Variants in PLCXD3 observed in about 807,000 individuals in gnomAD.
PLCXD3 encodes the protein PI-PLC X domain-containing protein 3.
PLCXD3 carries 19 observed loss-of-function variants against 25.5 expected under a neutral mutation model. The observed-to-expected ratio is 0.75, with a 90% CI of 0.52 to 1.09. The LOEUF (loss-of-function observed/expected upper bound fraction) is 1.09, where lower values mean the gene tolerates loss of function less well. Ranked by LOEUF, PLCXD3 falls within the 50% of genes least tolerant of loss-of-function variation. The pLI, the probability that PLCXD3 is intolerant of heterozygous loss-of-function variation, is 0.00. For missense variants in PLCXD3, 411 were observed against 388.1 expected, an observed-to-expected ratio of 1.06 and a Z score of -0.50; for synonymous variants, 174 against 137.6, an observed-to-expected ratio of 1.26 and a Z score of -1.85.
At chr5:41,419,131 A>G (rs1453013739) in intron 1 of PLCXD3, among the ~76,000 whole-genome samples, 1 of 151,830 alleles carries the variant, frequency 6.6e-6, no homozygotes, top group Admixed American at 6.6e-5. Context: ...GGGGTGGGGG[A>G]AGAAAGGTAA....
chr5:41,471,923 T>C (rs1299620552), intron 1 of PLCXD3, among the ~76,000 whole-genome samples: 1 of 8,208 alleles, frequency 1.2e-4, no homozygotes, highest in Non-Finnish European at 2.5e-4. Context: ...TTCCCTTCCC[T>C]TCCCCTCCCT....
chr5:41,359,956 A>T (rs1008436891), intron 2 of PLCXD3, among the ~76,000 whole-genome samples: 1 of 151,996 alleles, frequency 6.6e-6, no homozygotes, highest in African/African-American at 2.4e-5. Context: ...TTTTCTTCTT[A>T]CTCAGGAATA....
intron 1 of PLCXD3, among the ~76,000 whole-genome samples, chr5:41,471,189 G>C (rs959583011): frequency 4.6e-5 from 7 of 152,110 alleles, no homozygotes; most frequent in African/African-American, 1.7e-4. Context: ...CACAAACAAA[G>C]CACCTTCATA....
At chr5:41,479,068 C>T (rs1748340225) in intron 1 of PLCXD3, among the ~76,000 whole-genome samples, 1 of 151,818 alleles carries the variant, frequency 6.6e-6, no homozygotes, top group Non-Finnish European at 1.5e-5. Context: ...GACACAGAGC[C>T]AAATCATATC....
intron 1 of PLCXD3, among the ~76,000 whole-genome samples, chr5:41,391,291 C>T (rs1320760324): frequency 1.3e-5 from 2 of 152,118 alleles, no homozygotes; most frequent in Non-Finnish European, 2.9e-5. Flanking sequence ...CAGCTTGAGG[C>T]TCCAAAAGAG....
At chr5:41,365,382 T>A (rs1321595335) in intron 2 of PLCXD3, among the ~76,000 whole-genome samples, 1 of 152,224 alleles carries the variant, frequency 6.6e-6, no homozygotes, top group Non-Finnish European at 1.5e-5. Flanking sequence ...ACTTTTGCCA[T>A]CTTTCTTTCC....
intron 2 of PLCXD3, among the ~76,000 whole-genome samples, chr5:41,355,166 C>T (rs1413362617): frequency 6.6e-6 from 1 of 152,162 alleles, no homozygotes; most frequent in African/African-American, 2.4e-5. Context: ...TGATACCAGG[C>T]CTTAGTCTAC....
chr5:41,472,509 A>C (rs1202327189), intron 1 of PLCXD3, among the ~76,000 whole-genome samples: 1 of 152,222 alleles, frequency 6.6e-6, no homozygotes, highest in Admixed American at 6.5e-5. Flanking sequence ...GGAAATGGCT[A>C]TTATTATTAA....
chr5:41,397,575 A>C (rs1746046833), intron 1 of PLCXD3, among the ~76,000 whole-genome samples: 1 of 152,210 alleles, frequency 6.6e-6, no homozygotes, highest in Non-Finnish European at 1.5e-5. Flanking sequence ...GAGCCACGAC[A>C]CAGAGTCCCC....
intron 2 of PLCXD3, among the ~76,000 whole-genome samples, chr5:41,362,303 T>A (rs372268942): frequency 6.6e-6 from 1 of 152,164 alleles, no homozygotes; most frequent in Non-Finnish European, 1.5e-5. Flanking sequence ...AATGGAGTGA[T>A]GTGTAGGGGG....
chr5:41,418,564 G>A (rs1410078920), intron 1 of PLCXD3, among the ~76,000 whole-genome samples: 1 of 151,986 alleles, frequency 6.6e-6, no homozygotes, highest in Non-Finnish European at 1.5e-5. Context: ...ACATTTGTAT[G>A]GCAATATCCT....
At chr5:41,393,422 T>G (rs1442765245) in intron 1 of PLCXD3, among the ~76,000 whole-genome samples, 2 of 152,122 alleles carry the variant, frequency 1.3e-5, no homozygotes, top group East Asian at 3.9e-4. Flanking sequence ...ATATTTAAAG[T>G]GCTGAAGAGA....
chr5:41,360,908 G>T (rs1744753122), intron 2 of PLCXD3, among the ~76,000 whole-genome samples: 1 of 152,194 alleles, frequency 6.6e-6, no homozygotes, highest in African/African-American at 2.4e-5. Context: ...AACTCACCTT[G>T]GGGATACCTG....
intron 2 of PLCXD3, among the ~76,000 whole-genome samples, chr5:41,331,024 G>T (rs1743786982): frequency 6.6e-6 from 1 of 151,728 alleles, no homozygotes; most frequent in Non-Finnish European, 1.5e-5. Context: ...CATTCCCTTT[G>T]AAAACTGGCA....
chr5:41,397,765 G>C (rs947532725), intron 1 of PLCXD3, among the ~76,000 whole-genome samples: 5 of 152,356 alleles, frequency 3.3e-5, no homozygotes, highest in Non-Finnish European at 7.3e-5. Context: ...AACTACCAAT[G>C]CCTTGGGAGC....
rs866898023 is a variant in PLCXD3, at chr5:41,330,156, G to C, written c.813-16386C>G. On this transcript the variant is annotated intron_variant, in intron 2 of 2. Transcript: ENST00000377801. ...TTTTACAGAACTCTCTGATGCACTG[G>C]GGGATAAAGATTATTATAAAAATGT... Among the ~76,000 whole-genome samples, 9 of 151,980 alleles carry C rather than the reference G, an allele frequency of 5.9e-5. 1 individual carries two copies. Among genetic ancestry groups the C allele is most frequent in the African/African-American group, 2.2e-4 (9 of 41,474 alleles).
chr5:41,429,943 G>T (rs533179245), intron 1 of PLCXD3, among the ~76,000 whole-genome samples: 19 of 152,046 alleles, frequency 1.2e-4, no homozygotes, highest in Non-Finnish European at 2.4e-4. Flanking sequence ...CAACCTTGAT[G>T]CCCCTGGAAA....
intron 1 of PLCXD3, among the ~76,000 whole-genome samples, chr5:41,430,223 A>G (rs1166532667): frequency 6.6e-6 from 1 of 152,230 alleles, no homozygotes; most frequent in Non-Finnish European, 1.5e-5. Flanking sequence ...AACAGTTCCT[A>G]GTATATAGAA....
At chr5:41,432,499 G>A (rs143846335) in intron 1 of PLCXD3, among the ~76,000 whole-genome samples, 5 of 152,254 alleles carry the variant, frequency 3.3e-5, no homozygotes, top group Non-Finnish European at 7.4e-5. Flanking sequence ...TTATTTGATA[G>A]GGTCTTAAAA....
Sources: gnomAD v4.1 joint callset for allele counts (sites outside exome capture counted in the v4.1 genomes callset) on GRCh38, gnomAD v4.1.1 for gene constraint, MANE v1.5 for transcripts, NCBI Gene and HGNC (gene_info 2026-07-23, HGNC 2026-07-21) for gene names.